Variants in SPAG16 observed in about 807,000 individuals in gnomAD.
SPAG16 encodes sperm associated antigen 16, also known as sperm-associated antigen 16 protein.
SPAG16 carries 86 observed loss-of-function variants against 80.4 expected under a neutral mutation model. The observed-to-expected ratio is 1.07, with a 90% CI of 0.90 to 1.28. The LOEUF (loss-of-function observed/expected upper bound fraction) is 1.28. Among genes scored for constraint, SPAG16 ranks in the 50% most tolerant of loss-of-function variants. SPAG16 has a pLI of 0.00. For synonymous variants in SPAG16, 294 were observed against 265.9 expected, an observed-to-expected ratio of 1.11 and a Z score of -1.03; for missense variants, 870 against 765.3, an observed-to-expected ratio of 1.14 and a Z score of -1.61.
At chr2:214,071,288 A>G (rs1011468190) in intron 13 of SPAG16, among the ~76,000 whole-genome samples, 7 of 152,148 alleles carry the variant, frequency 4.6e-5, no homozygotes, top group African/African-American at 1.7e-4. Context: ...GTAGATAGAT[A>G]AGATGCAAAA....
chr2:213,764,334 A>C (rs191409850), intron 10 of SPAG16, among the ~76,000 whole-genome samples: 3 of 151,728 alleles, frequency 2.0e-5, no homozygotes, highest in Admixed American at 2.0e-4. Flanking sequence ...ACTACTTTGC[A>C]GTGCTTTATC....
intron 4 of SPAG16, among the ~76,000 whole-genome samples, chr2:213,310,747 T>TA (rs750112384): frequency 6.1e-4 from 92 of 151,994 alleles, no homozygotes; most frequent in Non-Finnish European, 8.6e-4. Context: ...AATAACTAGT[T>TA]ATGAAAATCA....
At chr2:213,450,027 A>G (rs2071591409) in intron 9 of SPAG16, among the ~76,000 whole-genome samples, 1 of 152,222 alleles carries the variant, frequency 6.6e-6, no homozygotes, top group African/African-American at 2.4e-5. Flanking sequence ...CTGTCAGGCC[A>G]GACATGGTGG....
At chr2:213,616,930 A>G (rs1406398097) in intron 10 of SPAG16, among the ~76,000 whole-genome samples, 1 of 152,184 alleles carries the variant, frequency 6.6e-6, no homozygotes, top group Admixed American at 6.6e-5. Context: ...GGAAGCAAGA[A>G]CCACAACATG....
At position 213,397,266 on chromosome 2, in the gene SPAG16, G is replaced by A. The variant is rs535576671; in HGVS notation, c.942+22147G>A. On this transcript the variant is annotated intron_variant, in intron 9 of 15. Transcript: ENST00000331683. ...ACACTCAGCTCTCCTAAGCCAGTAT[G>A]AGAGAGCAACAACACATCACATCTT... Among the ~76,000 whole-genome samples, 4 of 152,310 alleles carry A rather than the reference G, an allele frequency of 2.6e-5. No homozygotes were observed. In the South Asian group the frequency reaches 8.3e-4, roughly 32 times the overall value.
chr2:213,912,565 T>G (rs2077723903), intron 11 of SPAG16, among the ~76,000 whole-genome samples: 1 of 152,194 alleles, frequency 6.6e-6, no homozygotes, highest in African/African-American at 2.4e-5. Context: ...AATTTCTGTT[T>G]GTGCATTTGA....
intron 15 of SPAG16, among the ~76,000 whole-genome samples, chr2:214,258,467 G>A (rs1690864118): frequency 2.7e-5 from 2 of 75,156 alleles, no homozygotes; most frequent in African/African-American, 6.7e-5. Flanking sequence ...ATGTATGTGT[G>A]TGTGTATATA....
At chr2:214,041,299 T>C (rs183213593) in intron 13 of SPAG16, among the ~76,000 whole-genome samples, 14 of 152,160 alleles carry the variant, frequency 9.2e-5, no homozygotes, top group Admixed American at 2.0e-4. Context: ...TTCTTCTTTT[T>C]CACTGTTACT....
At chr2:214,103,168 T>G (rs1359788616) in intron 13 of SPAG16, among the ~76,000 whole-genome samples, 1 of 152,154 alleles carries the variant, frequency 6.6e-6, no homozygotes, top group African/African-American at 2.4e-5. Context: ...AAGCTGCTTC[T>G]CCCTGGGGCC....
At chr2:214,222,686 A>G (rs533279390) in intron 15 of SPAG16, among the ~76,000 whole-genome samples, 1 of 152,288 alleles carries the variant, frequency 6.6e-6, no homozygotes, top group South Asian at 2.1e-4. Context: ...TGAAACATCC[A>G]TTTTTAGTCA....
intron 5 of SPAG16, among the ~76,000 whole-genome samples, chr2:213,324,245 A>G (rs188830826): frequency 9.1e-6 from 1 of 110,100 alleles, no homozygotes; most frequent in East Asian, 4.2e-4. Context: ...CCCATTCCCT[A>G]CTGTACCTCA....
intron 12 of SPAG16, among the ~76,000 whole-genome samples, chr2:214,012,259 CATATAT>C (rs1163146309): frequency 0.011 from 428 of 39,706 alleles, 13 homozygotes; most frequent in Non-Finnish European, 0.013. Flanking sequence ...TTTATACTTA[CATATAT>C]ATATATATAT....
At chr2:213,670,197 C>T (rs189360004) in intron 10 of SPAG16, among the ~76,000 whole-genome samples, 147 of 151,928 alleles carry the variant, frequency 9.7e-4, no homozygotes, top group African/African-American at 3.1e-3. Context: ...GGGATTTCAC[C>T]ATGTTAGCCA....
Position 214,055,739 on chromosome 2 carries a change from A to C in SPAG16, c.1527+41662A>C, listed in dbSNP as rs112256292. 7.2e-3 allele frequency among the ~76,000 whole-genome samples: 1,092 copies of C among 152,270 alleles called. 18 individuals carry two copies. The highest frequency in any genetic ancestry group is 0.025 in the African/African-American group (1,056 of 41,560). On this transcript the variant is annotated intron_variant, in intron 13 of 15. Coordinates refer to ENST00000331683, the MANE Select transcript of SPAG16 (RefSeq NM_024532.5). ...CAAGATATTGCCTTCATTTAAAAAA[A>C]ATCTTTTGCTTACAAACAAACCAAC...
rs180939428 is a variant in SPAG16 at position 213,950,499 on chromosome 2, A to G, written c.1400+20354A>G. Among the ~76,000 whole-genome samples, 82 of 152,188 alleles carry G rather than the reference A, an allele frequency of 5.4e-4. 3 individuals carry two copies. In the East Asian group the frequency reaches 8.9e-3, roughly 16 times the overall value. ...AGGTCACACCGCCCTTTAACAGTGG[A>G]GTCTGCTGTTTAAAAGGTGTGTGGG... On this transcript the variant is annotated intron_variant, in intron 12 of 15. Transcript: ENST00000331683.
intron 11 of SPAG16, among the ~76,000 whole-genome samples, chr2:213,915,332 A>G (rs916155121): frequency 6.9e-6 from 1 of 145,484 alleles, no homozygotes; most frequent in African/African-American, 2.6e-5. Flanking sequence ...CCCTGCGTCC[A>G]TGTGTTCTCA....
chr2:213,629,722 G>A (rs1443395357), intron 10 of SPAG16, among the ~76,000 whole-genome samples: 1 of 152,084 alleles, frequency 6.6e-6, no homozygotes, highest in Non-Finnish European at 1.5e-5. Flanking sequence ...TTTTTTCCAG[G>A]GTTCCCTAAT....
intron 12 of SPAG16, among the ~76,000 whole-genome samples, chr2:213,940,729 C>A (rs2079164899): frequency 1.3e-5 from 2 of 152,010 alleles, no homozygotes; most frequent in African/African-American, 2.4e-5. Context: ...GTATCTGCAC[C>A]CCAATAATAC....
At chr2:213,706,482 A>G (rs2065756909) in intron 10 of SPAG16, among the ~76,000 whole-genome samples, 2 of 152,206 alleles carry the variant, frequency 1.3e-5, no homozygotes, top group South Asian at 2.1e-4. Context: ...TAAATGGAGC[A>G]ATGAAGATTA....
Sources: allele counts gnomAD v4.1 joint callset (sites outside exome capture counted in the v4.1 genomes callset), GRCh38; gene constraint gnomAD v4.1.1; transcripts MANE v1.5; gene names NCBI Gene and HGNC (gene_info 2026-07-23, HGNC 2026-07-21).